The following SMAD3 variants were observed in gnomAD, a reference collection of about 807,000 sequenced individuals.
The protein encoded by SMAD3 is MAD homolog 3.
A neutral mutation model predicts 51.8 loss-of-function variants in SMAD3; 12 were observed. That is an observed-to-expected ratio of 0.23 (90% confidence interval 0.15 to 0.38). The LOEUF (loss-of-function observed/expected upper bound fraction) is 0.38. Among genes scored for constraint, SMAD3 ranks in the 10% least tolerant of loss-of-function variants. SMAD3 has a pLI of 1.00. For missense variants in SMAD3, 294 were observed against 565.6 expected, an observed-to-expected ratio of 0.52 and a Z score of 4.87; for synonymous variants, 238 against 227.7, an observed-to-expected ratio of 1.05 and a Z score of -0.41.
chr15:67,108,889 G>T (rs554973748), intron 1 of SMAD3, among the ~76,000 whole-genome samples: 3 of 152,272 alleles, frequency 2.0e-5, no homozygotes, highest in South Asian at 4.1e-4. Context: ...ACCAGAGATT[G>T]CACTGATCTG....
At chr15:67,071,237 G>A (rs1264702235) in intron 1 of SMAD3, among the ~76,000 whole-genome samples, 1 of 152,232 alleles carries the variant, frequency 6.6e-6, no homozygotes, top group Non-Finnish European at 1.5e-5. Context: ...TTGGACTGCA[G>A]TATGATGTTG....
Position 67,156,316 on chromosome 15 carries a change from A to C in SMAD3, c.207-8579A>C, listed in dbSNP as rs144995797. Among the ~76,000 whole-genome samples, 52 of 152,338 alleles carry C rather than the reference A, an allele frequency of 3.4e-4. No homozygotes were observed. The East Asian group carries it at 6.4e-3, about 19-fold the overall frequency. On this transcript the variant is annotated intron_variant, in intron 1 of 8. Transcript: ENST00000327367. Reference sequence around the variant, plus strand: ...TAATGTGCTACTTGGGGCTACTTCAAAAAATGAATATTAGAGGAGTATTTG... The same window carrying C: ...TAATGTGCTACTTGGGGCTACTTCACAAAATGAATATTAGAGGAGTATTTG...
chr15:67,080,762 G>A (rs1013250165), intron 1 of SMAD3, among the ~76,000 whole-genome samples: 3 of 152,212 alleles, frequency 2.0e-5, no homozygotes, highest in Non-Finnish European at 4.4e-5. Flanking sequence ...GGGCCGCTGC[G>A]GAGCAAGCAC....
rs756140979 is a variant in SMAD3, at chr15:67,073,962, C to T, written c.206+7602C>T. Among the ~76,000 whole-genome samples, 21 of 152,344 alleles carry T rather than the reference C, an allele frequency of 1.4e-4. 1 individual carries two copies. Among genetic ancestry groups the T allele is most frequent in the South Asian group, 1.2e-3 (6 of 4,828 alleles). Reference sequence around the variant, plus strand: ...TGCTGGGATTCCAGGCCTGAGCCACCGCGCCCGGCCACATACAAACATTTT... The same window carrying T: ...TGCTGGGATTCCAGGCCTGAGCCACTGCGCCCGGCCACATACAAACATTTT... On this transcript the variant is annotated intron_variant, in intron 1 of 8. Coordinates refer to ENST00000327367, the MANE Select transcript of SMAD3 (RefSeq NM_005902.4).
At position 67,192,838 on chromosome 15, in the gene SMAD3, T is replaced by C. The variant is rs1466198660; in HGVS notation, c.*2302T>C. 1 of 233,250 alleles carries C rather than the reference T, an allele frequency of 4.3e-6. No individual in the cohort carries two copies. Among genetic ancestry groups the C allele is most frequent in the African/African-American group, 2.2e-5 (1 of 45,360 alleles). The allele number at this position is 233,250 out of a possible 1,614,324, so 14.4% of individuals were successfully genotyped here. A position where few individuals can be genotyped will look rare whatever the true frequency, so the allele number is the denominator to read the frequency against. ...AATGACACGTTTGGCTGCATTTGGA[T>C]GGTGTCTTAGAACCCTCATTGCTCA... On this transcript the variant is annotated 3_prime_UTR_variant, in exon 9 of 9. Coordinates refer to ENST00000327367, the MANE Select transcript of SMAD3 (RefSeq NM_005902.4).
At chr15:67,142,454 G>A (rs531740662) in intron 1 of SMAD3, among the ~76,000 whole-genome samples, 5 of 152,122 alleles carry the variant, frequency 3.3e-5, no homozygotes, top group Admixed American at 6.5e-5. Flanking sequence ...CAGGAATGGC[G>A]AAACTCTATT....
At chr15:67,165,421 A>AG in intron 3 of SMAD3, 37 bp downstream of exon 3, 1 of 1,611,618 alleles carries the variant, frequency 6.2e-7, no homozygotes. Flanking sequence ...CCTGGGAGGC[A>AG]GGGGCAGCGG....
intron 1 of SMAD3, among the ~76,000 whole-genome samples, chr15:67,144,795 C>T (rs1458952918): frequency 6.6e-6 from 1 of 152,190 alleles, no homozygotes; most frequent in Non-Finnish European, 1.5e-5. Context: ...TCCAGTTTTG[C>T]ACAATGTCAC....
intron 1 of SMAD3, among the ~76,000 whole-genome samples, chr15:67,092,418 C>G (rs1960526450): frequency 6.6e-6 from 1 of 152,226 alleles, no homozygotes. Flanking sequence ...CAGCAGTTCT[C>G]AAAGTGTGGC....
intron 5 of SMAD3, among the ~76,000 whole-genome samples, chr15:67,176,976 A>G (rs78100000): frequency 0.012 from 1,847 of 152,316 alleles, 31 homozygotes; most frequent in African/African-American, 0.041. Flanking sequence ...CTGCTCTTCA[A>G]TGGGGTGTGT....
At chr15:67,131,794 C>T (rs768200338) in intron 1 of SMAD3, among the ~76,000 whole-genome samples, 1 of 152,148 alleles carries the variant, frequency 6.6e-6, no homozygotes, top group Non-Finnish European at 1.5e-5. Flanking sequence ...AGTTTTACCA[C>T]GTGTTAATTG....
intron 5 of SMAD3, among the ~76,000 whole-genome samples, chr15:67,175,790 G>C (rs1208968693): frequency 6.6e-6 from 1 of 152,238 alleles, no homozygotes; most frequent in East Asian, 1.9e-4. Context: ...CACCAGCCCT[G>C]AGTGTGGACG....
At chr15:67,087,185 C>A (rs1192633979) in intron 1 of SMAD3, among the ~76,000 whole-genome samples, 1 of 152,122 alleles carries the variant, frequency 6.6e-6, no homozygotes, top group African/African-American at 2.4e-5. Context: ...ACAGCACCAG[C>A]CTCTTCTCCT....
chr15:67,066,464 A>G (rs1595882292), intron 1 of SMAD3, 104 bp downstream of exon 1: 3 of 941,026 alleles, frequency 3.2e-6, no homozygotes, highest in East Asian at 5.2e-5. Flanking sequence ...AGAGAGAGGG[A>G]GGGAGTGAGA....
intron 1 of SMAD3, among the ~76,000 whole-genome samples, chr15:67,082,927 G>T (rs1288110174): frequency 6.6e-6 from 1 of 152,152 alleles, no homozygotes. Context: ...TGCTCTGATT[G>T]TTTAAAAAAA....
Position 67,193,682 on chromosome 15 carries a change from T to G in SMAD3, c.*3146T>G. The stretch of plus-strand genomic sequence containing the variant: ...GCAGACGTCTCCATTGTCCTTATGT[T>G]GTCTGTGTTGTATTTTTTTTTTTTT... On this transcript the variant is annotated 3_prime_UTR_variant, in exon 9 of 9. Transcript: ENST00000327367. 1 of 233,612 alleles carries G rather than the reference T, an allele frequency of 4.3e-6. No individual in the cohort carries two copies. Among genetic ancestry groups the G allele is most frequent in the East Asian group, 6.0e-5 (1 of 16,704 alleles). 14.5% of individuals were successfully genotyped at this position (233,612 alleles called of 1,614,324 possible). A position where few individuals can be genotyped will look rare whatever the true frequency, so the allele number is the denominator to read the frequency against.
At chr15:67,138,278 A>G in intron 1 of SMAD3, 1 of 571,754 alleles carries the variant, frequency 1.7e-6, no homozygotes, top group South Asian at 2.1e-5. Context: ...GTGTGGGTGA[A>G]GCAGAGGCGT....
Position 67,188,557 on chromosome 15 carries a change from G to A in SMAD3, c.1154+1048G>A, listed in dbSNP as rs1006278852. Among the ~76,000 whole-genome samples the A allele has an allele frequency of 3.3e-5, 5 of 152,254 alleles. No homozygotes were observed. The South Asian group carries it at 6.2e-4, about 19-fold the overall frequency. ...TCCAGTCCCTTTTCTTTCCACTCAC[G>A]GACCAAAGTTTGCGGAGAGGCAGGG... On this transcript the variant is annotated intron_variant, in intron 8 of 8. Transcript: ENST00000327367.
At chr15:67,150,149 C>T (rs1962088554) in intron 1 of SMAD3, among the ~76,000 whole-genome samples, 1 of 152,212 alleles carries the variant, frequency 6.6e-6, no homozygotes, top group African/African-American at 2.4e-5. Context: ...GGAGTGAGCG[C>T]TTGTCCTGAG....
Sources: gnomAD v4.1 joint callset for allele counts (sites outside exome capture counted in the v4.1 genomes callset) on GRCh38, gnomAD v4.1.1 for gene constraint, MANE v1.5 for transcripts, NCBI Gene and HGNC (gene_info 2026-07-23, HGNC 2026-07-21) for gene names.